KIAA1217: variants seen among roughly 807,000 people sequenced by gnomAD.
KIAA1217 encodes the protein sickle tail protein homolog.
Under a neutral mutation model 163.9 loss-of-function variants are expected in KIAA1217, and 88 were observed. That is an observed-to-expected ratio of 0.54 (90% CI 0.45 to 0.64). The LOEUF is 0.64. Ranked by LOEUF, KIAA1217 falls within the 30% of genes least tolerant of loss-of-function variation. The pLI is 0.00. For missense variants in KIAA1217, 2,372 were observed against 2,475.0 expected, an observed-to-expected ratio of 0.96 and a Z score of 0.88; for synonymous variants, 903 against 923.1, an observed-to-expected ratio of 0.98 and a Z score of 0.39.
Position 24,025,409 on chromosome 10 carries a change from A to T in KIAA1217, c.-171+18035A>T, listed in dbSNP as rs368680556. Among the ~76,000 whole-genome samples, 6 of 151,810 alleles carry T rather than the reference A, an allele frequency of 4.0e-5. No individual in the cohort carries two copies. In the East Asian group the frequency reaches 7.7e-4, roughly 20 times the overall value. On this transcript the variant is annotated intron_variant, in intron 2 of 18. Transcript: ENST00000376462. ...TTATTCCAAACATACTTTCTTGCCA[A>T]TTGTAGCTGTATAAGATTTGAAATT...
intron 1 of KIAA1217, among the ~76,000 whole-genome samples, chr10:23,848,175 G>A (rs1000997076): frequency 1.3e-5 from 2 of 152,050 alleles, no homozygotes; most frequent in African/African-American, 4.8e-5. Context: ...GTGCTGAGAA[G>A]AATGTATATT....
intron 1 of KIAA1217, among the ~76,000 whole-genome samples, chr10:23,731,965 G>T (rs1043909626): frequency 7.2e-5 from 11 of 152,138 alleles, no homozygotes; most frequent in African/African-American, 2.6e-4. Flanking sequence ...CTTGGTTGTG[G>T]TGTATAACTC....
intron 2 of KIAA1217, among the ~76,000 whole-genome samples, chr10:24,321,993 G>A (rs948802473): frequency 1.3e-5 from 2 of 152,046 alleles, no homozygotes; most frequent in Non-Finnish European, 2.9e-5. Flanking sequence ...CTGTCACCCA[G>A]GCTGGAGTGC....
chr10:24,221,462 T>C (rs2069644064), intron 2 of KIAA1217, among the ~76,000 whole-genome samples: 1 of 152,196 alleles, frequency 6.6e-6, no homozygotes, highest in Admixed American at 6.5e-5. Context: ...GCAAAAATTA[T>C]GTCTAACTCA....
intron 2 of KIAA1217, among the ~76,000 whole-genome samples, chr10:24,338,768 G>GT (rs111558574): frequency 2.2e-4 from 33 of 151,244 alleles, no homozygotes; most frequent in Admixed American, 1.5e-3. Context: ...TCCTTTATTT[G>GT]TTTTTTTTGT....
At chr10:24,141,222 TA>T (rs1251053347) in intron 2 of KIAA1217, among the ~76,000 whole-genome samples, 15 of 94,234 alleles carry the variant, frequency 1.6e-4, no homozygotes, top group Non-Finnish European at 2.5e-4. Context: ...AGAGAAAGAA[TA>T]AACCCCCCCC....
At chr10:24,227,326 T>G (rs1046346222) in intron 2 of KIAA1217, among the ~76,000 whole-genome samples, 23 of 149,402 alleles carry the variant, frequency 1.5e-4, no homozygotes, top group African/African-American at 5.7e-4. Context: ...CCCAGCTAAT[T>G]TTTTGTATTT....
intron 1 of KIAA1217, among the ~76,000 whole-genome samples, chr10:23,861,919 T>G (rs959176890): frequency 6.6e-6 from 1 of 152,232 alleles, no homozygotes; most frequent in Non-Finnish European, 1.5e-5. Flanking sequence ...AACTATGAGA[T>G]AACAAATTGT....
chr10:24,401,865 A>T (rs1056148145), intron 3 of KIAA1217, among the ~76,000 whole-genome samples: 1 of 152,262 alleles, frequency 6.6e-6, no homozygotes, highest in Non-Finnish European at 1.5e-5. Context: ...GAGTGAGTTC[A>T]AGATCAACAT....
At chr10:23,830,991 G>T (rs530266491) in intron 1 of KIAA1217, among the ~76,000 whole-genome samples, 1 of 152,006 alleles carries the variant, frequency 6.6e-6, no homozygotes. Context: ...GAAAGGATTC[G>T]GGTGAGCAGG....
At chr10:23,828,558 T>C (rs1838015096) in intron 1 of KIAA1217, among the ~76,000 whole-genome samples, 1 of 152,226 alleles carries the variant, frequency 6.6e-6, no homozygotes, top group Admixed American at 6.5e-5. Context: ...TATAACTTTT[T>C]GTCTAAAAGA....
At chr10:24,447,209 CT>C (rs947304629) in intron 5 of KIAA1217, among the ~76,000 whole-genome samples, 1 of 151,416 alleles carries the variant, frequency 6.6e-6, no homozygotes, top group Non-Finnish European at 1.5e-5. Context: ...CCATTTTATT[CT>C]TTTTTTAATG....
At chr10:23,713,952 C>T (rs1006048043) in intron 1 of KIAA1217, among the ~76,000 whole-genome samples, 2 of 152,074 alleles carry the variant, frequency 1.3e-5, no homozygotes, top group East Asian at 1.9e-4. Flanking sequence ...TTTTAGGTAC[C>T]CCATCCAGCT....
intron 5 of KIAA1217, among the ~76,000 whole-genome samples, chr10:24,465,365 T>C (rs751988084): frequency 2.6e-5 from 4 of 152,250 alleles, no homozygotes; most frequent in African/African-American, 4.8e-5. Flanking sequence ...AGTGATTTGA[T>C]GGCAGTAAAC....
At chr10:24,306,111 T>C (rs1208986502) in intron 2 of KIAA1217, among the ~76,000 whole-genome samples, 1 of 152,188 alleles carries the variant, frequency 6.6e-6, no homozygotes, top group Non-Finnish European at 1.5e-5. Flanking sequence ...AAGAAAAATA[T>C]ATCTTTTTGT....
chr10:23,908,722 T>A (rs995444972), intron 1 of KIAA1217, among the ~76,000 whole-genome samples: 6 of 152,120 alleles, frequency 3.9e-5, no homozygotes, highest in Non-Finnish European at 8.8e-5. Flanking sequence ...CCTGCAAGAA[T>A]GGCCTAATCA....
chr10:24,362,631 A>G (rs1268864818), intron 2 of KIAA1217, among the ~76,000 whole-genome samples: 2 of 152,226 alleles, frequency 1.3e-5, no homozygotes, highest in Non-Finnish European at 2.9e-5. Flanking sequence ...TTCGTTTACC[A>G]TGGTTAGTCT....
chr10:24,120,790 A>G (rs1589574333), intron 2 of KIAA1217, among the ~76,000 whole-genome samples: 1 of 152,198 alleles, frequency 6.6e-6, no homozygotes, highest in Admixed American at 6.5e-5. Flanking sequence ...TGTCATTTGT[A>G]AAGAGAATGG....
At chr10:24,380,686 C>T (rs560032162) in intron 2 of KIAA1217, among the ~76,000 whole-genome samples, 183 bp from the exon 3 acceptor site, 3 of 151,898 alleles carry the variant, frequency 2.0e-5, no homozygotes, top group South Asian at 2.1e-4. Context: ...TGTTATTTTC[C>T]GGTAATTTTC....
Sources: allele counts gnomAD v4.1 joint callset (sites outside exome capture counted in the v4.1 genomes callset), GRCh38; gene constraint gnomAD v4.1.1; transcripts MANE v1.5; gene names NCBI Gene and HGNC (gene_info 2026-07-23, HGNC 2026-07-21).